WBP1L: variants seen among roughly 807,000 people sequenced by gnomAD.
WBP1L encodes the protein WW domain binding protein 1-like.
A neutral mutation model predicts 33.7 loss-of-function variants in WBP1L; 17 were observed. That is an observed-to-expected ratio of 0.50 (90% CI 0.34 to 0.76). WBP1L has a LOEUF of 0.76. Ranked by LOEUF, WBP1L falls within the 30% of genes least tolerant of loss-of-function variation. WBP1L has a pLI of 0.01. For missense variants in WBP1L, 389 were observed against 469.4 expected, an observed-to-expected ratio of 0.83 and a Z score of 1.58; for synonymous variants, 173 against 190.8, an observed-to-expected ratio of 0.91 and a Z score of 0.77.
At chr10:102,777,756 G>T (rs1337243140) in intron 1 of WBP1L, among the ~76,000 whole-genome samples, 1 of 151,934 alleles carries the variant, frequency 6.6e-6, no homozygotes, top group Admixed American at 6.6e-5. Flanking sequence ...GTAGAGACGG[G>T]GTTTCGCCAT....
intron 2 of WBP1L, among the ~76,000 whole-genome samples, chr10:102,808,301 TTC>T (rs1843767651): frequency 6.6e-6 from 1 of 152,254 alleles, no homozygotes; most frequent in South Asian, 2.1e-4. Flanking sequence ...TTCCTTTCAG[TTC>T]TTTCCCCCTC....
At chr10:102,780,424 A>G (rs562795819) in intron 1 of WBP1L, among the ~76,000 whole-genome samples, 1 of 152,328 alleles carries the variant, frequency 6.6e-6, no homozygotes, top group East Asian at 1.9e-4. Flanking sequence ...GGGATTACTA[A>G]TTTTCGGAGA....
At chr10:102,788,677 C>A (rs1843455507) in intron 1 of WBP1L, among the ~76,000 whole-genome samples, 1 of 152,144 alleles carries the variant, frequency 6.6e-6, no homozygotes, top group Admixed American at 6.6e-5. Context: ...TCATTTAGAA[C>A]TTTTTCCTAG....
At chr10:102,754,618 G>T (rs1842953141) in intron 1 of WBP1L, among the ~76,000 whole-genome samples, 1 of 151,892 alleles carries the variant, frequency 6.6e-6, no homozygotes, top group Admixed American at 6.6e-5. Context: ...GGCTGGTCTC[G>T]AACTCCTGAC....
rs558104793 is a variant in WBP1L at position 102,766,895 on chromosome 10, CATCCCTCCTTTTG to C, written c.90+22753_90+22765del. Among the ~76,000 whole-genome samples the C allele has an allele frequency of 2.6e-3, 401 of 152,022 alleles. 1 individual carries two copies. The highest frequency in any genetic ancestry group is 8.8e-3 in the African/African-American group (365 of 41,486). On this transcript the variant is annotated intron_variant, in intron 1 of 3. Transcript: ENST00000448841. ...TGTTTCATGTAGTTGGTGTGATCTA[CATCCCTCCTTTTG>C]TTCTTATTCCGATCTTTGGTTTGGA...
chr10:102,754,484 C>T (rs549309979), intron 1 of WBP1L, among the ~76,000 whole-genome samples: 60 of 152,148 alleles, frequency 3.9e-4, no homozygotes, highest in Non-Finnish European at 5.4e-4. Context: ...CTGCAACCTC[C>T]GCCTCCCAGG....
intron 2 of WBP1L, among the ~76,000 whole-genome samples, chr10:102,806,368 C>T (rs777248150): frequency 2.2e-4 from 33 of 152,208 alleles, no homozygotes; most frequent in Non-Finnish European, 4.6e-4. Context: ...CCGAAATACA[C>T]ATGCAGCCAG....
chr10:102,744,151 G>T lies in WBP1L; in HGVS notation c.90+8G>T. The T allele has an allele frequency of 6.5e-7, 1 of 1,547,530 alleles. No homozygotes were observed. ...AGGGCTGAACCCCCGCAGGTAAGGGGGAGGGGGCGTCTGGGCCATGTTGGG... is the reference window on the plus strand; with the variant it reads ...AGGGCTGAACCCCCGCAGGTAAGGGTGAGGGGGCGTCTGGGCCATGTTGGG... On this transcript the variant is annotated splice_region_variant and intron_variant, in intron 1 of 3. Transcript: ENST00000448841.
chr10:102,768,716 C>T (rs1322056774), intron 1 of WBP1L, among the ~76,000 whole-genome samples: 1 of 137,632 alleles, frequency 7.3e-6, no homozygotes, highest in Non-Finnish European at 1.5e-5. Flanking sequence ...GAGACAGAGT[C>T]TCGCTCTGTC....
chr10:102,775,324 A>G (rs539512473), intron 1 of WBP1L, among the ~76,000 whole-genome samples: 1 of 152,232 alleles, frequency 6.6e-6, no homozygotes, highest in African/African-American at 2.4e-5. Flanking sequence ...TTTGGCTTAC[A>G]CCACCGACTA....
rs574142425 is a variant in WBP1L, at chr10:102,762,126, T to C, written c.90+17983T>C. 2.6e-5 allele frequency among the ~76,000 whole-genome samples: 4 copies of C among 152,220 alleles called. No individual in the cohort carries two copies. In the East Asian group the frequency reaches 5.8e-4, roughly 22 times the overall value. ...CCTCAGCTTCCCAAAGTGCTAAGAT[T>C]ACAGACAGGAGCCGCTACAGCTGGC... On this transcript the variant is annotated intron_variant, in intron 1 of 3. Transcript: ENST00000448841.
intron 1 of WBP1L, among the ~76,000 whole-genome samples, chr10:102,781,756 C>T (rs1402196325): frequency 6.6e-6 from 1 of 151,968 alleles, no homozygotes; most frequent in East Asian, 1.9e-4. Flanking sequence ...GAATCCTTAT[C>T]TAAACTGATT....
At chr10:102,760,618 G>A (rs1843026734) in intron 1 of WBP1L, among the ~76,000 whole-genome samples, 2 of 151,642 alleles carry the variant, frequency 1.3e-5, no homozygotes, top group African/African-American at 2.4e-5. Context: ...TCAGGTGATC[G>A]CCTGCCTCAG....
chr10:102,798,199 C>G (rs1310037660), intron 2 of WBP1L, 104 bp downstream of exon 2: 2 of 956,750 alleles, frequency 2.1e-6, no homozygotes, highest in Non-Finnish European at 3.3e-6. Flanking sequence ...CTCTTGGGGA[C>G]AGTGTTGGTG....
chr10:102,793,740 A>G (rs1843534566), intron 1 of WBP1L, among the ~76,000 whole-genome samples: 1 of 152,102 alleles, frequency 6.6e-6, no homozygotes, highest in African/African-American at 2.4e-5. Flanking sequence ...GCCCTACTGT[A>G]AAAGCTGGGC....
intron 3 of WBP1L, 27 bp downstream of exon 3, chr10:102,810,081 A>G: frequency 1.3e-6 from 2 of 1,583,660 alleles, no homozygotes; most frequent in East Asian, 2.2e-5. Flanking sequence ...CCCCATACCC[A>G]CCCTCAGGAG....
At chr10:102,759,092 T>C (rs1175847040) in intron 1 of WBP1L, among the ~76,000 whole-genome samples, 3 of 152,122 alleles carry the variant, frequency 2.0e-5, no homozygotes, top group African/African-American at 7.2e-5. Flanking sequence ...GCCTGGATAA[T>C]ATCCAGCCTT....
chr10:102,779,319 T>C lies in WBP1L; in HGVS notation c.91-18674T>C, dbSNP rs182669701. Among the ~76,000 whole-genome samples, 21 of 151,616 alleles carry C rather than the reference T, an allele frequency of 1.4e-4. No homozygotes were observed. In the East Asian group the frequency reaches 4.3e-3, roughly 31 times the overall value. On this transcript the variant is annotated intron_variant, in intron 1 of 3. Transcript: ENST00000448841. Reference sequence around the variant, plus strand: ...ATTTCAAAAAAAAAAATCATTCTTGTTGAGTCTCGTTCTTGTCACCCAGGC... The same window carrying C: ...ATTTCAAAAAAAAAAATCATTCTTGCTGAGTCTCGTTCTTGTCACCCAGGC...
At position 102,813,233 on chromosome 10, in the gene WBP1L, G is replaced by A; in HGVS notation, c.994G>A (p.Gly332Arg). The A allele has an allele frequency of 1.2e-6, 2 of 1,612,568 alleles. No homozygotes were observed. Among genetic ancestry groups the A allele is most frequent in the Non-Finnish European group, 1.7e-6 (2 of 1,179,906 alleles). ...QSSEEQAREP[G>R]HPHLPRPPAC... is the part of the protein sequence containing the mutation. ...CTCTGAGGAGCAGGCTCGAGAGCCT[G>A]GGCACCCGCACCTGCCACGGCCGCC... The change falls in exon 4 of 4, where the codon GGG becomes AGG. Residue 332 changes from glycine to arginine, a missense_variant. By Grantham distance (125) the Gly-to-Arg change is moderately radical (BLOSUM62 -2). Transcript: ENST00000448841.
Sources: allele counts gnomAD v4.1 joint callset (sites outside exome capture counted in the v4.1 genomes callset), GRCh38; gene constraint gnomAD v4.1.1; transcripts MANE v1.5; gene names NCBI Gene and HGNC (gene_info 2026-07-23, HGNC 2026-07-21).